The following RUFY3 variants were observed in gnomAD, a reference collection of about 807,000 sequenced individuals.
The protein encoded by RUFY3 is protein RUFY3.
A neutral mutation model predicts 84.0 loss-of-function variants in RUFY3; 34 were observed. The ratio of observed to expected loss-of-function variants is 0.40; its 90% CI spans 0.31 to 0.54. The LOEUF (loss-of-function observed/expected upper bound fraction) is 0.54. Ranked by LOEUF, RUFY3 falls within the 20% of genes least tolerant of loss-of-function variation. RUFY3 has a pLI of 0.39. For synonymous variants in RUFY3, 242 were observed against 252.9 expected (o/e 0.96, Z 0.41); for missense variants, 507 against 736.8 (o/e 0.69, Z 3.61).
intron 1 of RUFY3, among the ~76,000 whole-genome samples, chr4:70,737,069 A>G (rs1226846415): frequency 2.6e-5 from 4 of 152,348 alleles, no homozygotes; most frequent in Non-Finnish European, 4.4e-5. Flanking sequence ...GCATGGTATC[A>G]TAAACTTTCA....
intron 12 of RUFY3, chr4:70,793,252 C>T: frequency 1.0e-6 from 1 of 987,820 alleles, no homozygotes; most frequent in Non-Finnish European, 1.2e-6. Context: ...TAACCCAAAG[C>T]CTAGGTGAGG....
intron 12 of RUFY3, chr4:70,791,811 G>A: frequency 1.0e-6 from 1 of 985,502 alleles, no homozygotes; most frequent in Non-Finnish European, 1.2e-6. Context: ...TTGTTATATA[G>A]GTTTAATCCC....
intron 1 of RUFY3, among the ~76,000 whole-genome samples, chr4:70,737,866 G>T (rs1720615444): frequency 6.6e-6 from 1 of 151,422 alleles, no homozygotes; most frequent in African/African-American, 2.4e-5. Context: ...TAGAGACAGG[G>T]TTACACCATG....
chr4:70,778,521 G>GTC, intron 8 of RUFY3, 83 bp downstream of exon 8: 1 of 572,994 alleles, frequency 1.7e-6, no homozygotes, highest in Non-Finnish European at 3.2e-6. Context: ...ACCTTGGAAA[G>GTC]AAAGAACTTG....
At chr4:70,759,873 G>C (rs958234793) in intron 1 of RUFY3, among the ~76,000 whole-genome samples, 2 of 152,072 alleles carry the variant, frequency 1.3e-5, no homozygotes, top group Non-Finnish European at 2.9e-5. Flanking sequence ...AGACATTTTT[G>C]GTTGTCTTAA....
At chr4:70,728,612 A>G (rs1718698182) in intron 1 of RUFY3, among the ~76,000 whole-genome samples, 1 of 152,192 alleles carries the variant, frequency 6.6e-6, no homozygotes, top group East Asian at 1.9e-4. Flanking sequence ...TTTCAGACAG[A>G]TTTTTTTAAA....
chr4:70,714,445 T>C (rs572421504), intron 1 of RUFY3, among the ~76,000 whole-genome samples: 1 of 152,390 alleles, frequency 6.6e-6, no homozygotes, highest in Admixed American at 6.5e-5. Context: ...TATTGCCTTG[T>C]TCTTTCTTCT....
chr4:70,800,039 T>G, intron 14 of RUFY3, 102 bp from the exon 15 acceptor site: 1 of 1,070,894 alleles, frequency 9.3e-7, no homozygotes, highest in South Asian at 1.6e-5. Flanking sequence ...AAAAAGCTAC[T>G]TAGCTTTATA....
chr4:70,714,756 C>G (rs571625486), intron 1 of RUFY3, among the ~76,000 whole-genome samples: 1 of 152,094 alleles, frequency 6.6e-6, no homozygotes, highest in Non-Finnish European at 1.5e-5. Context: ...AGCTTCTGGT[C>G]TTTGTGGAGC....
In RUFY3 at chr4:70,793,865, A is replaced by G. The variant is rs1280262573; in HGVS notation, c.1418A>G (p.Asn473Ser). The G allele has an allele frequency of 6.2e-7, 1 of 1,613,996 alleles. No individual in the cohort carries two copies. The highest frequency in any genetic ancestry group is 8.5e-7 in the Non-Finnish European group (1 of 1,180,032). Residue 473 changes from asparagine to serine, a missense_variant, in exon 13 of 18, where the codon AAC becomes AGC. Physicochemically the swap from Asn to Ser is conservative, Grantham distance 46 (BLOSUM62 1). This residue lies in a region of RUFY3 where 334 missense variants were observed against 364.1 expected (regional missense o/e 0.92). Coordinates refer to ENST00000381006, the MANE Select transcript of RUFY3 (RefSeq NM_001037442.4). Reference protein sequence around the residue: ...LFKQDFGDKINSLQLEVEELT... With the variant: ...LFKQDFGDKISSLQLEVEELT... ...AAACAGGACTTTGGAGACAAGATCA[A>G]CAGTCTGCAGCTGGAAGTCGAGGAG...
intron 1 of RUFY3, among the ~76,000 whole-genome samples, chr4:70,738,449 G>T (rs145869092): frequency 2.3e-4 from 28 of 123,840 alleles, no homozygotes; most frequent in African/African-American, 8.5e-4. Flanking sequence ...TGCAGCCCCC[G>T]CCTCCCGGGT....
intron 1 of RUFY3, among the ~76,000 whole-genome samples, chr4:70,737,760 T>C (rs1056405689): frequency 2.1e-4 from 31 of 144,968 alleles, no homozygotes; most frequent in African/African-American, 7.5e-4. Context: ...CACTGCAATC[T>C]CCACCTGGAT....
At chr4:70,803,983 C>T (rs1399160509) in intron 16 of RUFY3, among the ~76,000 whole-genome samples, 2 of 152,008 alleles carry the variant, frequency 1.3e-5, no homozygotes, top group Non-Finnish European at 2.9e-5. Context: ...GATCTACCTG[C>T]CTTGGCCTCC....
At chr4:70,746,101 T>C (rs1348920857) in intron 1 of RUFY3, among the ~76,000 whole-genome samples, 1 of 151,946 alleles carries the variant, frequency 6.6e-6, no homozygotes, top group Non-Finnish European at 1.5e-5. Flanking sequence ...CCTAGCACTT[T>C]GGGATGCCAA....
rs1030042541 is a variant in RUFY3 at position 70,807,782 on chromosome 4, G to C, written c.*1123G>C. On this transcript the variant is annotated 3_prime_UTR_variant, in exon 18 of 18. Transcript: ENST00000381006. Reference sequence around the variant, plus strand: ...TCCACAGTGCCGAGATTACAGGCATGAGCCACCACACCTGGCCAAGTTTAA... The same window carrying C: ...TCCACAGTGCCGAGATTACAGGCATCAGCCACCACACCTGGCCAAGTTTAA... 1.2e-4 allele frequency among the ~76,000 whole-genome samples: 18 copies of C among 151,580 alleles called. No homozygotes were observed.
At chr4:70,725,726 C>T (rs987096123) in intron 1 of RUFY3, among the ~76,000 whole-genome samples, 2 of 152,162 alleles carry the variant, frequency 1.3e-5, no homozygotes, top group South Asian at 2.1e-4. Flanking sequence ...ATTGACTCCA[C>T]AGGAGAAGGG....
chr4:70,784,849 G>T lies in RUFY3; in HGVS notation c.1041G>T (p.Lys347Asn). The T allele has an allele frequency of 6.2e-7, 1 of 1,606,696 alleles. No individual in the cohort carries two copies. The highest frequency in any genetic ancestry group is 1.1e-5 in the South Asian group (1 of 89,554). The change falls in exon 10 of 18, where the codon AAG (lysine) becomes AAT (asparagine). Residue 347 changes from lysine (K) to asparagine (N), a missense_variant. Lys to Asn is a moderately conservative substitution (Grantham distance 94). Coordinates refer to ENST00000381006, the MANE Select transcript of RUFY3 (RefSeq NM_001037442.4). ...GGCAAGCACTAAGTGAAGCAAGAAA[G>T]CATTTAAAAGAAGAGACACAATTAC... ...AEGQALSEAR[K>N]HLKEETQLRL... is the part of the protein sequence containing the mutation.
In RUFY3 at chr4:70,778,405, A is replaced by T; in HGVS notation, c.861A>T (p.Ala287=). ...ACAACCTTCAGGCAAAAGTAGATGC[A>T]TTAGAAAAATCCAACACTAAACTGA... ...TVNNLQAKVD[A]LEKSNTKLTE... The change falls in exon 8 of 18, where the codon GCA becomes GCT. Residue 287 remains alanine, a synonymous_variant. Transcript: ENST00000381006. 1 of 1,606,086 alleles carries T rather than the reference A, an allele frequency of 6.2e-7. No homozygotes were observed. The highest frequency in any genetic ancestry group is 8.5e-7 in the Non-Finnish European group (1 of 1,173,316).
At chr4:70,737,676 CTTTTT>C (rs57075760) in intron 1 of RUFY3, among the ~76,000 whole-genome samples, 1 of 134,428 alleles carries the variant, frequency 7.4e-6, no homozygotes, top group Non-Finnish European at 1.6e-5. Flanking sequence ...ATTAATTCCT[CTTTTT>C]TTTTTTTTTT....
Sources: allele counts gnomAD v4.1 joint callset (sites outside exome capture counted in the v4.1 genomes callset), GRCh38; gene constraint gnomAD v4.1.1; regional missense constraint gnomAD v4.1.1; transcripts MANE v1.5; gene names NCBI Gene and HGNC (gene_info 2026-07-23, HGNC 2026-07-21).